Variants in CFAP20DC observed in about 807,000 individuals in gnomAD.
CFAP20DC encodes CFAP20 domain containing, also known as protein CFAP20DC.
In CFAP20DC, 84 loss-of-function variants were observed where a neutral mutation model predicts 101.7. The observed-to-expected ratio is 0.83, with a 90% CI of 0.69 to 0.99. The LOEUF is 0.99. Ranked by LOEUF, CFAP20DC falls within the 50% of genes least tolerant of loss-of-function variation. The pLI, the probability that CFAP20DC is intolerant of heterozygous loss-of-function variation, is 0.00. For missense variants in CFAP20DC, 1,007 were observed against 970.3 expected, an observed-to-expected ratio of 1.04 and a Z score of -0.50; for synonymous variants, 359 against 351.2, an observed-to-expected ratio of 1.02 and a Z score of -0.25.
At chr3:58,848,969 G>C in intron 13 of CFAP20DC, 63 bp downstream of exon 13, 1 of 1,475,450 alleles carries the variant, frequency 6.8e-7, no homozygotes, top group Non-Finnish European at 8.9e-7. Flanking sequence ...AACATGGGTG[G>C]AACAGAACGG....
intron 4 of CFAP20DC, among the ~76,000 whole-genome samples, chr3:58,962,689 AG>A (rs1002893251): frequency 6.6e-6 from 1 of 152,166 alleles, no homozygotes; most frequent in African/African-American, 2.4e-5. Context: ...GACAATTCAA[AG>A]CTCAGGCCGT....
rs143085100 is a variant in CFAP20DC at position 58,831,846 on chromosome 3, G to A, written c.2015C>T (p.Ser672Phe). The change falls in exon 14 of 17, where the codon TCC becomes TTC. Residue 672 changes from serine to phenylalanine, a missense_variant. Coordinates refer to ENST00000482387, the MANE Select transcript of CFAP20DC (RefSeq NM_001394063.1). The stretch of plus-strand genomic sequence containing the variant: ...TAGGCTTGCTAGCATCTGTAACTCG[G>A]ATTCACTCATCTGGCTTGGCTGATA... ...RNYQPSQMSE[S>F]ELQMLASLRW... The A allele has an allele frequency of 1.2e-6, 2 of 1,613,880 alleles. No homozygotes were observed. Among genetic ancestry groups the A allele is most frequent in the South Asian group, 1.1e-5 (1 of 91,084 alleles).
intron 6 of CFAP20DC, among the ~76,000 whole-genome samples, chr3:58,890,873 T>C (rs1265547513): frequency 7.0e-6 from 1 of 143,070 alleles, no homozygotes; most frequent in Admixed American, 6.9e-5. Flanking sequence ...TGATGGTGGC[T>C]GGGAAGAGGC....
chr3:58,806,371 A>C (rs1213839137), intron 15 of CFAP20DC, 24 bp downstream of exon 15: 1 of 1,478,654 alleles, frequency 6.8e-7, no homozygotes, highest in African/African-American at 1.4e-5. Flanking sequence ...TTTTTCTTAA[A>C]TGTAGATTAT....
intron 3 of CFAP20DC, among the ~76,000 whole-genome samples, chr3:58,725,598 C>T (rs1413606094): frequency 6.6e-6 from 1 of 152,112 alleles, no homozygotes; most frequent in Non-Finnish European, 1.5e-5. Flanking sequence ...GTAAGGACAC[C>T]CACGACAGTT....
intron 15 of CFAP20DC, 140 bp downstream of exon 15, chr3:58,806,255 G>C: frequency 1.6e-6 from 1 of 636,032 alleles, no homozygotes; most frequent in Non-Finnish European, 2.8e-6. Context: ...AAGAAGACAA[G>C]TAGATGAACT....
rs907508526 is a variant in CFAP20DC at position 58,894,163 on chromosome 3, C to T, written c.551-9454G>A. On this transcript the variant is annotated intron_variant, in intron 6 of 16. Coordinates refer to ENST00000482387, the MANE Select transcript of CFAP20DC (RefSeq NM_001394063.1). The surrounding 1 kb of genome is among the most constrained non-coding windows in gnomAD (Gnocchi z 4.1). ...GGACACAGCCAAACCATATCATTCT[C>T]CCCTTGGCCCCTCCCAAATCTCACG... 3.3e-5 allele frequency among the ~76,000 whole-genome samples: 5 copies of T among 152,112 alleles called. No individual in the cohort carries two copies. Among genetic ancestry groups the T allele is most frequent in the African/African-American group, 1.2e-4 (5 of 41,416 alleles).
At chr3:58,776,650 C>T (rs1318046462) in intron 15 of CFAP20DC, among the ~76,000 whole-genome samples, 6 of 149,470 alleles carry the variant, frequency 4.0e-5, no homozygotes, top group Admixed American at 3.4e-4. Context: ...CCAGGTATCT[C>T]GTATGTATTA....
chr3:58,852,691 C>T lies in CFAP20DC; in HGVS notation c.1594-3282G>A, dbSNP rs563481282. Among the ~76,000 whole-genome samples, 41 of 150,020 alleles carry T rather than the reference C, an allele frequency of 2.7e-4. No individual in the cohort carries two copies. In the South Asian group the frequency reaches 6.9e-3, roughly 25 times the overall value. ...CAGGATTAAGAATCTCACTCAAAAC[C>T]GCTCAACTACATGGAAACTGAACAA... On this transcript the variant is annotated intron_variant, in intron 12 of 16. Coordinates refer to ENST00000482387, the MANE Select transcript of CFAP20DC (RefSeq NM_001394063.1).
At chr3:58,786,218 G>A (rs574607094) in intron 15 of CFAP20DC, among the ~76,000 whole-genome samples, 6 of 152,218 alleles carry the variant, frequency 3.9e-5, no homozygotes, top group East Asian at 3.9e-4. Context: ...TATTTCCTCC[G>A]TGGTGATATC....
intron 4 of CFAP20DC, among the ~76,000 whole-genome samples, chr3:58,943,603 G>A (rs559801707): frequency 1.4e-4 from 21 of 152,240 alleles, no homozygotes; most frequent in South Asian, 1.2e-3. Context: ...AGATAAATCC[G>A]CGAAGATGAG....
chr3:58,816,745 G>A (rs1215095406), intron 14 of CFAP20DC, among the ~76,000 whole-genome samples: 1 of 152,160 alleles, frequency 6.6e-6, no homozygotes, highest in Non-Finnish European at 1.5e-5. Context: ...GCTTGCTTAG[G>A]TAAACAAAGC....
intron 15 of CFAP20DC, among the ~76,000 whole-genome samples, chr3:58,763,547 C>A (rs2069901624): frequency 6.6e-6 from 1 of 152,248 alleles, no homozygotes; most frequent in African/African-American, 2.4e-5. Context: ...TCGTCAAAGT[C>A]ATTCTCCGTC....
chr3:58,849,130 C>G lies in CFAP20DC; in HGVS notation c.1873G>C (p.Ala625Pro). Residue 625 changes from alanine (A) to proline (P), a missense_variant, in exon 13 of 17, where the codon GCG (alanine) becomes CCG (proline). Coordinates refer to ENST00000482387, the MANE Select transcript of CFAP20DC (RefSeq NM_001394063.1). ...CQKTPEPVIKAKDLSAQQVPA... is the reference protein window; with the variant it reads ...CQKTPEPVIKPKDLSAQQVPA... ...ACTTGCTGGGCTGATAGATCCTTCG[C>G]TTTGATTACGGGCTCTGGAGTTTTC... 6.5e-7 allele frequency: 1 copy of G among 1,536,078 alleles called. No individual in the cohort carries two copies. Among genetic ancestry groups the G allele is most frequent in the Non-Finnish European group, 8.7e-7 (1 of 1,146,910 alleles).
Position 58,742,130 on chromosome 3 carries a change from A to G in CFAP20DC, c.*330T>C, listed in dbSNP as rs980480082. 3.2e-6 allele frequency: 3 copies of G among 931,924 alleles called. No homozygotes were observed. Among genetic ancestry groups the G allele is most frequent in the African/African-American group, 1.8e-5 (1 of 56,290 alleles). 57.7% of individuals were successfully genotyped at this position (931,924 alleles called of 1,614,324 possible). ...CCATCATTTACAGATTAACACTGCAAAAAATTTGAATGAATAACTCTTAAT... is the reference window on the plus strand; with the variant it reads ...CCATCATTTACAGATTAACACTGCAGAAAATTTGAATGAATAACTCTTAAT... On this transcript the variant is annotated 3_prime_UTR_variant, in exon 17 of 17. Transcript: ENST00000482387.
At chr3:58,841,465 T>C (rs2077101399) in intron 13 of CFAP20DC, among the ~76,000 whole-genome samples, 1 of 152,212 alleles carries the variant, frequency 6.6e-6, no homozygotes, top group Non-Finnish European at 1.5e-5. Context: ...GGAGCACAAA[T>C]TGCAGAGACT....
chr3:58,861,437 T>G lies in CFAP20DC; in HGVS notation c.1593+2121A>C, dbSNP rs1405012425. 1.3e-5 allele frequency: 11 copies of G among 869,476 alleles called. No individual in the cohort carries two copies. Among genetic ancestry groups the G allele is most frequent in the Non-Finnish European group, 1.5e-5 (11 of 724,518 alleles). The allele number at this position is 869,476 out of a possible 1,614,324, so 53.9% of individuals were successfully genotyped here. A position where few individuals can be genotyped will look rare whatever the true frequency, so the allele number is the denominator to read the frequency against. On this transcript the variant is annotated intron_variant, in intron 12 of 16. Transcript: ENST00000482387. The surrounding 1 kb of genome is among the most constrained non-coding windows in gnomAD (Gnocchi z 4.0). ...AACTGATTTTTCTTCAAAGACTATA[T>G]GTAAATAAACATTGTAAATATGTAG...
At chr3:58,750,215 T>C (rs1309314688) in intron 16 of CFAP20DC, among the ~76,000 whole-genome samples, 1 of 152,170 alleles carries the variant, frequency 6.6e-6, no homozygotes, top group African/African-American at 2.4e-5. Flanking sequence ...GCATTTACTT[T>C]TGTATGGCCT....
chr3:58,844,416 G>C (rs1303340165), intron 13 of CFAP20DC, among the ~76,000 whole-genome samples: 1 of 137,152 alleles, frequency 7.3e-6, no homozygotes, highest in Non-Finnish European at 1.5e-5. Flanking sequence ...AGACAAAGAA[G>C]GCCATTACAT....
Sources: gnomAD v4.1 joint callset for allele counts (sites outside exome capture counted in the v4.1 genomes callset) on GRCh38, gnomAD v4.1.1 for gene constraint, Gnocchi (gnomAD v3.1) non-coding constraint, MANE v1.5 for transcripts, NCBI Gene and HGNC (gene_info 2026-07-23, HGNC 2026-07-21) for gene names.